The following HPSE2 variants were observed in gnomAD, a reference collection of about 807,000 sequenced individuals.
HPSE2 encodes heparanase 2 (inactive).
HPSE2 carries 38 observed loss-of-function variants against 60.5 expected under a neutral mutation model. The ratio of observed to expected loss-of-function variants is 0.63; its 90% CI spans 0.48 to 0.82. The LOEUF is 0.82. Ranked by LOEUF, HPSE2 falls within the 40% of genes least tolerant of loss-of-function variation. The pLI is 0.00. For missense variants in HPSE2, 713 were observed against 740.4 expected, an observed-to-expected ratio of 0.96 and a Z score of 0.43; for synonymous variants, 295 against 293.2, an observed-to-expected ratio of 1.01 and a Z score of -0.06.
chr10:98,626,775 T>C lies in HPSE2; in HGVS notation c.1099-6067A>G, dbSNP rs1946225930. On this transcript the variant is annotated intron_variant, in intron 7 of 11. Coordinates refer to ENST00000370552, the MANE Select transcript of HPSE2 (RefSeq NM_021828.5). ...GGTGATTTGTATGAGATATTATTTT[T>C]CTTTTTTTTTTTCTCAAGACGGAGT... is the stretch of plus-strand genomic sequence containing the variant. Among the ~76,000 whole-genome samples the C allele has an allele frequency of 2.7e-5, 4 of 149,486 alleles. No individual in the cohort carries two copies. The South Asian group carries it at 8.3e-4, about 31-fold the overall frequency.
At chr10:99,004,306 TTTG>T (rs1412582910) in intron 3 of HPSE2, among the ~76,000 whole-genome samples, 1 of 151,860 alleles carries the variant, frequency 6.6e-6, no homozygotes, top group African/African-American at 2.4e-5. Context: ...CTTGTTTTGT[TTTG>T]TTTTGTTTTG....
At chr10:98,919,413 CTCCAA>C in intron 3 of HPSE2, among the ~76,000 whole-genome samples, 1 of 152,220 alleles carries the variant, frequency 6.6e-6, no homozygotes, top group Middle Eastern at 3.4e-3. Context: ...CATTGAAGGC[CTCCAA>C]AAATGTCAGA....
intron 3 of HPSE2, among the ~76,000 whole-genome samples, chr10:98,752,553 G>A (rs532440345): frequency 6.6e-6 from 1 of 152,186 alleles, no homozygotes; most frequent in East Asian, 1.9e-4. Context: ...TAATTTGGCT[G>A]GGATTGCAGA....
the HPSE2 span, among the ~76,000 whole-genome samples, chr10:99,280,857 T>G: frequency 6.6e-6 from 1 of 152,184 alleles, no homozygotes; most frequent in Non-Finnish European, 1.5e-5. Flanking sequence ...CTACTTTTTT[T>G]ATTCACTCAC....
chr10:98,959,126 G>T (rs1955583166), intron 3 of HPSE2, among the ~76,000 whole-genome samples: 1 of 152,042 alleles, frequency 6.6e-6, no homozygotes, highest in African/African-American at 2.4e-5. Flanking sequence ...CAAGAAGAAG[G>T]TGACTAGGAC....
At chr10:99,032,763 T>C (rs184508162) in intron 3 of HPSE2, among the ~76,000 whole-genome samples, 3 of 152,304 alleles carry the variant, frequency 2.0e-5, no homozygotes, top group African/African-American at 7.2e-5. Flanking sequence ...TTCTTTTCCT[T>C]TTCCAGTGTC....
At chr10:99,110,504 G>T (rs1293218592) in intron 3 of HPSE2, among the ~76,000 whole-genome samples, 2 of 152,036 alleles carry the variant, frequency 1.3e-5, no homozygotes, top group Non-Finnish European at 2.9e-5. Flanking sequence ...AATTATACAA[G>T]GATATATAAA....
intron 5 of HPSE2, among the ~76,000 whole-genome samples, chr10:98,696,528 T>C (rs1271004597): frequency 6.6e-6 from 1 of 152,114 alleles, no homozygotes; most frequent in Non-Finnish European, 1.5e-5. Context: ...AAAATGTGCT[T>C]TTTCCATGGA....
At position 98,710,493 on chromosome 10, in the gene HPSE2, A is replaced by G. The variant is rs570904720; in HGVS notation, c.956+11164T>C. 1.2e-4 allele frequency among the ~76,000 whole-genome samples: 19 copies of G among 152,294 alleles called. No homozygotes were observed. In the South Asian group the frequency reaches 3.3e-3, roughly 27 times the overall value. ...GAGGCTTAAATATACAGGAATTAAG[A>G]TGGGTGAGACTCTTTGACCAATCCA... On this transcript the variant is annotated intron_variant, in intron 5 of 11. Transcript: ENST00000370552.
At chr10:98,698,531 G>A (rs1329640732) in intron 5 of HPSE2, among the ~76,000 whole-genome samples, 1 of 152,078 alleles carries the variant, frequency 6.6e-6, no homozygotes, top group East Asian at 1.9e-4. Context: ...GCCCACAAGA[G>A]AAAGCGGGAA....
intron 9 of HPSE2, among the ~76,000 whole-genome samples, chr10:98,555,058 T>C (rs1047872674): frequency 5.9e-5 from 9 of 152,236 alleles, no homozygotes; most frequent in African/African-American, 2.2e-4. Context: ...TAAAAATCTA[T>C]GTGCCATTAA....
the HPSE2 span, among the ~76,000 whole-genome samples, chr10:99,273,294 A>G: frequency 5.3e-5 from 8 of 152,206 alleles, no homozygotes; most frequent in Admixed American, 2.6e-4. Flanking sequence ...GAGGGATAAA[A>G]GACTACACAA....
chr10:98,746,203 C>CATTTAATTATTATTTTTAGTTCCAAATAT, intron 3 of HPSE2, among the ~76,000 whole-genome samples: 1 of 152,210 alleles, frequency 6.6e-6, no homozygotes, highest in Non-Finnish European at 1.5e-5. Flanking sequence ...TCAGGAAATA[C>CATTTAATTATTATTTTTAGTTCCAAATAT]ATTTAATTAT....
At chr10:99,113,047 C>T (rs1205600370) in intron 3 of HPSE2, among the ~76,000 whole-genome samples, 3 of 152,188 alleles carry the variant, frequency 2.0e-5, no homozygotes, top group Non-Finnish European at 1.5e-5. Context: ...AGCTCATTTT[C>T]ACTTTGCATT....
At chr10:98,621,892 T>C (rs1460392888) in intron 7 of HPSE2, among the ~76,000 whole-genome samples, 2 of 152,190 alleles carry the variant, frequency 1.3e-5, no homozygotes, top group Non-Finnish European at 2.9e-5. Context: ...CCCTGATCTC[T>C]ACAATGATGG....
At chr10:99,138,222 A>G (rs1049221537) in intron 3 of HPSE2, among the ~76,000 whole-genome samples, 4 of 152,356 alleles carry the variant, frequency 2.6e-5, no homozygotes, top group South Asian at 2.1e-4. Flanking sequence ...AATGGTGATC[A>G]TTGAAAAGTC....
At chr10:98,899,027 A>G (rs575047241) in intron 3 of HPSE2, among the ~76,000 whole-genome samples, 4 of 152,358 alleles carry the variant, frequency 2.6e-5, no homozygotes, top group East Asian at 1.9e-4. Flanking sequence ...TAAAACTCCA[A>G]AAGTATACAA....
intron 3 of HPSE2, among the ~76,000 whole-genome samples, chr10:98,955,109 G>A (rs1955472260): frequency 6.6e-6 from 1 of 151,710 alleles, no homozygotes; most frequent in South Asian, 2.1e-4. Flanking sequence ...GACAAATGCT[G>A]ATATAAGTGG....
intron 3 of HPSE2, among the ~76,000 whole-genome samples, chr10:99,033,886 G>T (rs1475424598): frequency 1.3e-5 from 2 of 152,066 alleles, no homozygotes; most frequent in African/African-American, 4.8e-5. Flanking sequence ...AAATGCAAAT[G>T]GTACAGTCAG....
Sources: gnomAD v4.1 joint callset for allele counts (sites outside exome capture counted in the v4.1 genomes callset) on GRCh38, gnomAD v4.1.1 for gene constraint, MANE v1.5 for transcripts, NCBI Gene and HGNC (gene_info 2026-07-23, HGNC 2026-07-21) for gene names.